NMU: variants seen among roughly 807,000 people sequenced by gnomAD.
The protein encoded by NMU is neuromedin U, also known as neuromedin-U.
Under a neutral mutation model 35.4 loss-of-function variants are expected in NMU, and 29 were observed. The ratio of observed to expected loss-of-function variants is 0.82; its 90% confidence interval spans 0.61 to 1.12. The LOEUF (loss-of-function observed/expected upper bound fraction) is 1.12. Ranked by LOEUF, NMU falls within the 50% of genes most tolerant of loss-of-function variation. The pLI is 0.00. For synonymous variants in NMU, 78 were observed against 81.3 expected, an observed-to-expected ratio of 0.96 and a Z score of 0.22; for missense variants, 199 against 206.2, an observed-to-expected ratio of 0.97 and a Z score of 0.21.
intron 2 of NMU, among the ~76,000 whole-genome samples, chr4:55,630,145 T>A (rs1002648740): frequency 6.6e-6 from 1 of 152,152 alleles, no homozygotes; most frequent in Non-Finnish European, 1.5e-5. Context: ...TTTAAGTACA[T>A]ACACATTTAC....
intron 7 of NMU, 104 bp downstream of exon 7, chr4:55,605,171 T>G (rs1733628458): frequency 1.7e-5 from 14 of 825,938 alleles, no homozygotes; most frequent in Non-Finnish European, 2.6e-5. Flanking sequence ...TAGTGTGGGC[T>G]TATCCTGAAG....
intron 4 of NMU, among the ~76,000 whole-genome samples, chr4:55,608,285 C>T (rs1012160191): frequency 6.6e-6 from 1 of 151,182 alleles, no homozygotes; most frequent in South Asian, 2.1e-4. Flanking sequence ...GTTGTCATTT[C>T]TTTTATCTTA....
Position 55,614,646 on chromosome 4 carries a change from T to G in NMU, c.219+1692A>C, listed in dbSNP as rs116557524. Among the ~76,000 whole-genome samples, 412 of 152,288 alleles carry G rather than the reference T, an allele frequency of 2.7e-3. 4 individuals carry two copies. Among genetic ancestry groups the G allele is most frequent in the African/African-American group, 9.6e-3 (399 of 41,588 alleles). On this transcript the variant is annotated intron_variant, in intron 3 of 9. Coordinates refer to ENST00000264218, the MANE Select transcript of NMU (RefSeq NM_006681.4). ...CAATTGCAAATGTAAAACTTTCAAA[T>G]AGTAAATTTACTAAGCTCCTCTTGA...
chr4:55,626,295 G>C (rs1356272549), intron 2 of NMU, among the ~76,000 whole-genome samples: 1 of 152,168 alleles, frequency 6.6e-6, no homozygotes, highest in Non-Finnish European at 1.5e-5. Context: ...TCTGTAAACT[G>C]TTCTTATCCT....
At chr4:55,607,551 C>A in intron 4 of NMU, 85 bp from the exon 5 acceptor site, 1 of 501,922 alleles carries the variant, frequency 2.0e-6, no homozygotes, top group Admixed American at 3.6e-5. Context: ...TGTTATAACA[C>A]ATAATTATTT....
At chr4:55,614,411 T>C (rs892674834) in intron 3 of NMU, among the ~76,000 whole-genome samples, 20 of 152,108 alleles carry the variant, frequency 1.3e-4, no homozygotes, top group Non-Finnish European at 1.8e-4. Context: ...GCATAGCATG[T>C]TTGCTACTGG....
chr4:55,604,082 T>TC (rs375923564), intron 7 of NMU, among the ~76,000 whole-genome samples: 1 of 118,610 alleles, frequency 8.4e-6, no homozygotes, highest in East Asian at 2.7e-4. Flanking sequence ...TTTTTTTTTT[T>TC]CGAGACAGAG....
chr4:55,629,718 T>C (rs569997557), intron 2 of NMU, among the ~76,000 whole-genome samples: 1 of 152,214 alleles, frequency 6.6e-6, no homozygotes, highest in African/African-American at 2.4e-5. Context: ...ATTTATTAAT[T>C]GTATGATTAT....
At chr4:55,607,539 AATGTT>A in intron 4 of NMU, 73 bp from the exon 5 acceptor site, 2 of 562,212 alleles carry the variant, frequency 3.6e-6, no homozygotes, top group Non-Finnish European at 3.1e-6. Flanking sequence ...GTAATTTTAT[AATGTT>A]ATAACACATA....
chr4:55,607,516 T>C (rs1422123921), intron 4 of NMU, 50 bp from the exon 5 acceptor site: 2 of 666,034 alleles, frequency 3.0e-6, no homozygotes, highest in Non-Finnish European at 5.1e-6. Flanking sequence ...AAAATTTTAC[T>C]ATCTTATATA....
intron 2 of NMU, among the ~76,000 whole-genome samples, chr4:55,619,662 C>T (rs1387745467): frequency 8.6e-5 from 9 of 104,330 alleles, no homozygotes; most frequent in East Asian, 2.9e-4. Flanking sequence ...TGGAGCCCAC[C>T]ACAGCTCAAG....
At chr4:55,600,424 C>G (rs1733375969) in intron 8 of NMU, 98 bp downstream of exon 8, 2 of 837,894 alleles carry the variant, frequency 2.4e-6, no homozygotes, top group Admixed American at 4.1e-5. Flanking sequence ...CATCTATAAA[C>G]TTTAAAACTT....
rs528949383 is a variant in NMU at position 55,630,879 on chromosome 4, C to T, written c.113-419G>A. 3.3e-3 allele frequency among the ~76,000 whole-genome samples: 505 copies of T among 152,184 alleles called. 4 individuals are homozygous for T. The highest frequency in any genetic ancestry group is 0.013 in the South Asian group (63 of 4,830). ...AAGAGCCCACACAGCCAAAGCAATA[C>T]TAAGCAAAAAGAATACTTCTGGAGG... On this transcript the variant is annotated intron_variant, in intron 1 of 9. Transcript: ENST00000264218.
intron 4 of NMU, among the ~76,000 whole-genome samples, chr4:55,608,609 T>C (rs1733800258): frequency 6.6e-6 from 1 of 152,194 alleles, no homozygotes; most frequent in Non-Finnish European, 1.5e-5. Flanking sequence ...TATGCTACTT[T>C]TCAAGTTCCC....
At chr4:55,608,729 C>G (rs1270837505) in intron 4 of NMU, among the ~76,000 whole-genome samples, 1 of 151,522 alleles carries the variant, frequency 6.6e-6, no homozygotes, top group Admixed American at 6.6e-5. Context: ...ATTCTTAATG[C>G]CCTACTCTCC....
intron 3 of NMU, among the ~76,000 whole-genome samples, chr4:55,615,346 C>T (rs1308610164): frequency 1.3e-5 from 2 of 152,222 alleles, no homozygotes; most frequent in Admixed American, 1.3e-4. Flanking sequence ...CTCTGGTCAG[C>T]TGTTCTTGCT....
intron 2 of NMU, among the ~76,000 whole-genome samples, chr4:55,627,035 G>A (rs1043236879): frequency 6.6e-5 from 10 of 152,218 alleles, no homozygotes; most frequent in South Asian, 2.1e-4. Context: ...TGTCAGCGGT[G>A]CAGTCATTTA....
At chr4:55,617,506 G>GACACAC (rs147079985) in intron 2 of NMU, among the ~76,000 whole-genome samples, 1 of 149,818 alleles carries the variant, frequency 6.7e-6, no homozygotes, top group Non-Finnish European at 1.5e-5. Context: ...TGAAATCATG[G>GACACAC]ACACACACAC....
intron 9 of NMU, among the ~76,000 whole-genome samples, chr4:55,597,665 C>A (rs969041112): frequency 6.6e-6 from 1 of 152,146 alleles, no homozygotes; most frequent in Non-Finnish European, 1.5e-5. Context: ...CGTGCCCAGC[C>A]GCGGGTATAG....
Sources: allele counts gnomAD v4.1 joint callset (sites outside exome capture counted in the v4.1 genomes callset), GRCh38; gene constraint gnomAD v4.1.1; transcripts MANE v1.5; gene names NCBI Gene and HGNC (gene_info 2026-07-23, HGNC 2026-07-21).